HDAC10: variants seen among roughly 807,000 people sequenced by gnomAD.
HDAC10 encodes the protein polyamine deacetylase HDAC10.
In HDAC10, 90 loss-of-function variants were observed where a neutral mutation model predicts 82.3. The ratio of observed to expected loss-of-function variants is 1.09; its 90% confidence interval spans 0.92 to 1.30. The LOEUF is 1.30. Among genes scored for constraint, HDAC10 ranks in the 50% most tolerant of loss-of-function variants. The pLI is 0.00. For missense variants in HDAC10, 934 were observed against 876.3 expected, an observed-to-expected ratio of 1.07 and a Z score of -0.83; for synonymous variants, 456 against 391.7, an observed-to-expected ratio of 1.16 and a Z score of -1.94.
At position 50,245,675 on chromosome 22, in the gene HDAC10, C is replaced by T. The variant is rs775845737; in HGVS notation, c.1986G>A (p.Gln662=). ...GQLEPQWKML[Q]CHPHLVA The stretch of plus-strand genomic sequence containing the variant: ...GCCATGCCTCCGCAGTCAGCCTCAC[C>T]TGCAACATCTTCCACTGAGGCTCCA... Residue 662 remains glutamine, a splice_region_variant and synonymous_variant, in exon 19 of 20, where the codon CAG becomes CAA. Coordinates refer to ENST00000216271, the MANE Select transcript of HDAC10 (RefSeq NM_032019.6). 1.9e-6 allele frequency: 3 copies of T among 1,613,084 alleles called. No homozygotes were observed. Among genetic ancestry groups the T allele is most frequent in the South Asian group, 2.2e-5 (2 of 91,084 alleles).
chr22:50,248,922 C>CA lies in HDAC10; in HGVS notation c.757-33dup, dbSNP rs2065018829. 1 of 1,601,334 alleles carries CA rather than the reference C, an allele frequency of 6.2e-7. No homozygotes were observed. The highest frequency in any genetic ancestry group is 1.3e-5 in the African/African-American group (1 of 74,776). On this transcript the variant is annotated intron_variant, in intron 8 of 19. Transcript: ENST00000216271. The surrounding 1 kb of genome is among the most constrained non-coding windows in gnomAD (Gnocchi z 5.4). ...GCCAGGCCGGAGTGGGGAGGGTCGA[C>CA]AGAGAGGGGCTGGAGCCCAGGTGAG... is the stretch of plus-strand genomic sequence containing the variant.
At position 50,248,535 on chromosome 22, in the gene HDAC10, G is replaced by C; in HGVS notation, c.907-63C>G. 1.3e-6 allele frequency: 2 copies of C among 1,532,232 alleles called. No homozygotes were observed. The highest frequency in any genetic ancestry group is 1.2e-5 in the South Asian group (1 of 85,472). 94.9% of individuals were successfully genotyped at this position (1,532,232 alleles called of 1,614,324 possible). A position where few individuals can be genotyped will look rare whatever the true frequency, so the allele number is the denominator to read the frequency against. Reference sequence around the variant, plus strand: ...TCACTGGGATGGGATGTCACCGGGAGAGCCCCTGCCTGGCTCTATCCCGGG... The same window carrying C: ...TCACTGGGATGGGATGTCACCGGGACAGCCCCTGCCTGGCTCTATCCCGGG... On this transcript the variant is annotated intron_variant, in intron 10 of 19. Coordinates refer to ENST00000216271, the MANE Select transcript of HDAC10 (RefSeq NM_032019.6). The surrounding 1 kb of genome is among the most constrained non-coding windows in gnomAD (Gnocchi z 5.4).
chr22:50,250,230 G>C (rs2065054138), intron 3 of HDAC10, 70 bp from the exon 4 acceptor site: 5 of 1,439,794 alleles, frequency 3.5e-6, no homozygotes, highest in Non-Finnish European at 4.8e-6. Flanking sequence ...ACCCACACTT[G>C]TGCCAGGCTG....
intron 13 of HDAC10, 37 bp downstream of exon 13, chr22:50,247,853 G>A (rs1215453339): frequency 1.2e-6 from 2 of 1,610,770 alleles, no homozygotes; most frequent in East Asian, 4.5e-5. Flanking sequence ...AGGTGTAGAT[G>A]CGGCCCCATC....
In HDAC10 at chr22:50,250,529, T is replaced by A. The variant is rs1396591959; in HGVS notation, c.195-6A>T. 2 of 1,607,814 alleles carry A rather than the reference T, an allele frequency of 1.2e-6. No individual in the cohort carries two copies. The highest frequency in any genetic ancestry group is 3.3e-5 in the Admixed American group (2 of 59,826). On this transcript the variant is annotated splice_polypyrimidine_tract_variant and splice_region_variant and intron_variant, in intron 2 of 19. Coordinates refer to ENST00000216271, the MANE Select transcript of HDAC10 (RefSeq NM_032019.6). Reference sequence around the variant, plus strand: ...CCAGGGATACATACTCTGGGCTGCATGCAGATGGGCAGGCAGGAGAGGCAG... The same window carrying A: ...CCAGGGATACATACTCTGGGCTGCAAGCAGATGGGCAGGCAGGAGAGGCAG...
At position 50,246,304 on chromosome 22, in the gene HDAC10, C is replaced by A; in HGVS notation, c.1644G>T (p.Leu548=). 1 of 1,612,420 alleles carries A rather than the reference C, an allele frequency of 6.2e-7. No homozygotes were observed. Among genetic ancestry groups the A allele is most frequent in the Non-Finnish European group, 8.5e-7 (1 of 1,179,324 alleles). The part of the protein sequence containing the change: ...ALSMFHVSTP[L]PVMTGGFLSC... ...GCGTGGCATGGTCACTCACCACTGG[C>A]AGTGGCGTGGAGACATGGAACATGG... is the stretch of plus-strand genomic sequence containing the variant. The change falls in exon 17 of 20, where the codon CTG becomes CTT. Residue 548 remains leucine, a synonymous_variant. Transcript: ENST00000216271.
intron 14 of HDAC10, chr22:50,247,204 T>C (rs964454315): frequency 2.3e-5 from 10 of 431,848 alleles, no homozygotes; most frequent in African/African-American, 4.1e-5. Context: ...AGTGGCGCAA[T>C]TGTAGCTCAC....
chr22:50,246,015 C>T lies in HDAC10; in HGVS notation c.1728G>A (p.Leu576=), dbSNP rs1469968051. 2 of 1,612,612 alleles carry T rather than the reference C, an allele frequency of 1.2e-6. No homozygotes were observed. Among genetic ancestry groups the T allele is most frequent in the South Asian group, 1.1e-5 (1 of 91,048 alleles). The change falls in exon 18 of 20, where the codon CTG becomes CTA. Residue 576 remains leucine (L), a synonymous_variant. Coordinates refer to ENST00000216271, the MANE Select transcript of HDAC10 (RefSeq NM_032019.6). ...GGCCATGGCCAGGCCCCAGCGCCAC[C>T]AGCACCAGGTCAGGCTGGAAGCCAT... is the stretch of plus-strand genomic sequence containing the variant. ...LAYGFQPDLV[L]VALGPGHGLQ... is the part of the protein sequence containing the mutation.
In HDAC10 at chr22:50,248,966, C is replaced by T; in HGVS notation, c.757-76G>A. The T allele has an allele frequency of 2.6e-6, 4 of 1,516,548 alleles. No homozygotes were observed. The highest frequency in any genetic ancestry group is 3.6e-6 in the Non-Finnish European group (4 of 1,108,228). 93.9% of individuals were successfully genotyped at this position (1,516,548 alleles called of 1,614,324 possible). ...AGGTGAGGGCGAGCCAGGCCCATCC[C>T]ATCCCCTCCTGAGCACCTTCCCCAG... On this transcript the variant is annotated intron_variant, in intron 8 of 19. Transcript: ENST00000216271. This position sits in a 1 kb window ranked among gnomAD's most constrained non-coding sequence, Gnocchi z 5.4.
At position 50,250,881 on chromosome 22, in the gene HDAC10, A is replaced by G. The variant is rs2065073763; in HGVS notation, c.84T>C (p.Pro28=). ...GATCCAGGGCTGCGGTCAGGCGCTC[A>G]GGACGCTCGATCTCGCACTCGGGGC... ...WDDPECEIER[P]ERLTAALDRL... The change falls in exon 2 of 20, where the codon CCT becomes CCC. Residue 28 remains proline (P), a synonymous_variant. Coordinates refer to ENST00000216271, the MANE Select transcript of HDAC10 (RefSeq NM_032019.6). 1 of 1,601,510 alleles carries G rather than the reference A, an allele frequency of 6.2e-7. No individual in the cohort carries two copies. The highest frequency in any genetic ancestry group is 2.3e-5 in the East Asian group (1 of 44,052).
In HDAC10 at chr22:50,250,832, G is replaced by A; in HGVS notation, c.133C>T (p.Gln45Ter). ...CGGGCTGACAACCGCAGACACCTCT[G>A]TTCCAGGCCGCGCTGCCGCAGGCGA... ...LDRLRQRGLE[Q>*]RCLRLSAREA... The change falls in exon 2 of 20, where the codon CAG (glutamine) becomes TAG (stop). Residue 45 changes from glutamine to a stop codon, truncating the protein, a stop_gained. Transcript: ENST00000216271. LOFTEE classifies it high-confidence loss of function. The A allele has an allele frequency of 1.2e-6, 2 of 1,603,362 alleles. No homozygotes were observed. Among genetic ancestry groups the A allele is most frequent in the Non-Finnish European group, 1.7e-6 (2 of 1,176,278 alleles).
chr22:50,245,281 TCGATGGGACGGGCCGGGGCG>T lies in HDAC10; in HGVS notation c.*206_*225del, dbSNP rs2064911746. The T allele has an allele frequency of 1.7e-6, 1 of 602,142 alleles. No individual in the cohort carries two copies. 37.3% of individuals were successfully genotyped at this position (602,142 alleles called of 1,614,324 possible). ...GGACCGAGCGTGGGTTGCATGGGCC[TCGATGGGACGGGCCGGGGCG>T]CGATGGGTGGGGCGGGGGCGAGGTG... On this transcript the variant is annotated 3_prime_UTR_variant, in exon 20 of 20. Coordinates refer to ENST00000216271, the MANE Select transcript of HDAC10 (RefSeq NM_032019.6).
intron 2 of HDAC10, 119 bp downstream of exon 2, chr22:50,250,652 G>T: frequency 7.5e-7 from 1 of 1,324,560 alleles, no homozygotes. Flanking sequence ...GCCCACCCGA[G>T]GTGCATAGGG....
Position 50,249,088 on chromosome 22 carries a change from C to T in HDAC10, c.756+15G>A, listed in dbSNP as rs1159740615. The T allele has an allele frequency of 7.6e-6, 12 of 1,587,434 alleles. No homozygotes were observed. The highest frequency in any genetic ancestry group is 3.5e-5 in the Admixed American group (2 of 57,052). On this transcript the variant is annotated intron_variant, in intron 8 of 19. Transcript: ENST00000216271. This position sits in a 1 kb window ranked among gnomAD's most constrained non-coding sequence, Gnocchi z 4.4. ...TCCCACCCGGCTGCCCTGGGGGAGC[C>T]CTCCGTGCAGTCACCTCAAAGGCCA...
intron 2 of HDAC10, 124 bp from the exon 3 acceptor site, chr22:50,250,647 C>G (rs147686171): frequency 7.5e-7 from 1 of 1,330,524 alleles, no homozygotes; most frequent in Non-Finnish European, 1.0e-6. Context: ...TGTGAGCCCA[C>G]CCGAGGTGCA....
chr22:50,247,844 G>A, intron 13 of HDAC10, 46 bp downstream of exon 13: 2 of 1,612,658 alleles, frequency 1.2e-6, no homozygotes, highest in Middle Eastern at 1.6e-4. Context: ...CACAGGCACA[G>A]GTGTAGATGC....
rs139748706 is a variant in HDAC10 at position 50,247,926 on chromosome 22, G to A, written c.1301C>T (p.Ala434Val). 9.9e-6 allele frequency: 16 copies of A among 1,612,666 alleles called. No homozygotes were observed. In the African/African-American group the frequency reaches 1.2e-4, roughly 12 times the overall value. ...TTCTGTCTCCTCCCTCAGGGCTGAC[G>A]CTTCCTGTTGGATGACGTCAGGGGG... ...VLPPDVIQQE[A>V]SALREETEAW... is the part of the protein sequence containing the mutation. The change falls in exon 13 of 20, where the codon GCG (alanine) becomes GTG (valine). Residue 434 changes from alanine to valine, a missense_variant. Physicochemically the swap from Ala to Val is moderately conservative, Grantham distance 64. Transcript: ENST00000216271.
Position 50,248,546 on chromosome 22 carries a change from T to G in HDAC10, c.907-74A>C. 1 of 1,504,230 alleles carries G rather than the reference T, an allele frequency of 6.6e-7. No homozygotes were observed. Among genetic ancestry groups the G allele is most frequent in the Non-Finnish European group, 9.0e-7 (1 of 1,113,788 alleles). 93.2% of individuals were successfully genotyped at this position (1,504,230 alleles called of 1,614,324 possible). On this transcript the variant is annotated intron_variant, in intron 10 of 19. Coordinates refer to ENST00000216271, the MANE Select transcript of HDAC10 (RefSeq NM_032019.6). This position sits in a 1 kb window ranked among gnomAD's most constrained non-coding sequence, Gnocchi z 5.4. ...GGATGTCACCGGGAGAGCCCCTGCC[T>G]GGCTCTATCCCGGGCAGGACGCCCC...
chr22:50,249,141 C>A lies in HDAC10; in HGVS notation c.718G>T (p.Ala240Ser). ...GGGAGCAGCAGGTGCAGGAAGGCAG[C>A]CACGTAGTCAGCGTTTCCCATCCCA... ...QVGMGNADYV[A>S]AFLHLLLPLA... Residue 240 changes from alanine to serine, a missense_variant, in exon 8 of 20, where the codon GCT becomes TCT. By Grantham distance (99) the Ala-to-Ser change is moderately conservative. Transcript: ENST00000216271. The surrounding 1 kb of genome is among the most constrained non-coding windows in gnomAD (Gnocchi z 4.4). The A allele has an allele frequency of 6.2e-7, 1 of 1,605,284 alleles. No individual in the cohort carries two copies. The highest frequency in any genetic ancestry group is 1.7e-5 in the Admixed American group (1 of 59,322).
Sources: gnomAD v4.1 joint callset for allele counts on GRCh38, gnomAD v4.1.1 for gene constraint, Gnocchi (gnomAD v3.1) non-coding constraint, MANE v1.5 for transcripts, NCBI Gene and HGNC (gene_info 2026-07-23, HGNC 2026-07-21) for gene names.